MTA3: variants seen among roughly 807,000 people sequenced by gnomAD.
MTA3 encodes the protein metastasis-associated protein MTA3.
Under a neutral mutation model 83.5 loss-of-function variants are expected in MTA3, and 34 were observed. The ratio of observed to expected loss-of-function variants is 0.41; its 90% confidence interval spans 0.31 to 0.54. The LOEUF is 0.54. MTA3 is among the 20% of genes least tolerant of loss of function. MTA3 has a pLI of 0.33. For missense variants in MTA3, 761 were observed against 726.4 expected, an observed-to-expected ratio of 1.05 and a Z score of -0.55; for synonymous variants, 303 against 252.7, an observed-to-expected ratio of 1.20 and a Z score of -1.89.
At chr2:42,703,955 G>A (rs1665835566) in intron 11 of MTA3, 1 of 383,226 alleles carries the variant, frequency 2.6e-6, no homozygotes. Flanking sequence ...AAAGAGATGG[G>A]ACAGTATTTA....
At chr2:42,605,988 T>C (rs761631647) in intron 3 of MTA3, among the ~76,000 whole-genome samples, 1 of 194 alleles carries the variant, frequency 5.2e-3, no homozygotes, top group Non-Finnish European at 0.015. Context: ...CCACCTCCCT[T>C]CCCGGACGGG....
chr2:42,692,313 A>AT (rs1692971825), intron 9 of MTA3, among the ~76,000 whole-genome samples: 1 of 151,200 alleles, frequency 6.6e-6, no homozygotes, highest in African/African-American at 2.4e-5. Flanking sequence ...TTTCTGCTTG[A>AT]TTCTTTTTAT....
intron 9 of MTA3, among the ~76,000 whole-genome samples, chr2:42,685,923 T>G (rs1573615756): frequency 6.6e-6 from 1 of 152,252 alleles, no homozygotes; most frequent in African/African-American, 2.4e-5. Context: ...TTTCCTATAA[T>G]GCCATCACAG....
chr2:42,737,272 C>T (rs1668681561), intron 16 of MTA3, among the ~76,000 whole-genome samples: 1 of 152,208 alleles, frequency 6.6e-6, no homozygotes, highest in Admixed American at 6.5e-5. Context: ...CTTTAACCCA[C>T]AGTGGAAGGG....
intron 2 of MTA3, among the ~76,000 whole-genome samples, chr2:42,553,991 T>C (rs1408278872): frequency 1.3e-5 from 2 of 150,962 alleles, no homozygotes; most frequent in East Asian, 3.9e-4. Flanking sequence ...CCCAGCACTT[T>C]GGGAGGCCGA....
chr2:42,597,682 C>G (rs1355250949), intron 3 of MTA3, among the ~76,000 whole-genome samples: 1 of 54,252 alleles, frequency 1.8e-5, no homozygotes, highest in Non-Finnish European at 3.3e-5. Flanking sequence ...CCTCACCCAC[C>G]TGTTTTTTTT....
In MTA3 at chr2:42,729,983, T is replaced by C. The variant is rs540373347; in HGVS notation, c.1759+6948T>C. On this transcript the variant is annotated intron_variant, in intron 16 of 16. Transcript: ENST00000405094. ...TTCAATTTCTTGCATCAGTGGTTTA[T>C]AGTTTTCATTGTAGAGATCTTTCAC... is the stretch of plus-strand genomic sequence containing the variant. Among the ~76,000 whole-genome samples the C allele has an allele frequency of 1.5e-4, 23 of 152,324 alleles. 1 individual carries two copies. The highest frequency in any genetic ancestry group is 5.0e-4 in the African/African-American group (21 of 41,586).
chr2:42,734,319 A>C (rs984834811), intron 16 of MTA3, among the ~76,000 whole-genome samples: 3 of 151,062 alleles, frequency 2.0e-5, no homozygotes, highest in Non-Finnish European at 4.4e-5. Flanking sequence ...TTTGTCTTTA[A>C]ATCTTTTTTG....
In MTA3 at chr2:42,754,022, C is replaced by A. The variant is rs1245634239; in HGVS notation, c.*623C>A. On this transcript the variant is annotated 3_prime_UTR_variant, in exon 17 of 17. Coordinates refer to ENST00000405094, the MANE Select transcript of MTA3 (RefSeq NM_001330442.2). The stretch of plus-strand genomic sequence containing the variant: ...TATGTGACCCTCCCTCCTACTCCTC[C>A]AAGGAACAGAATTACCGAGGTTCTG... 1.0e-6 allele frequency: 1 copy of A among 985,396 alleles called. No individual in the cohort carries two copies. Among genetic ancestry groups the A allele is most frequent in the Admixed American group, 6.1e-5 (1 of 16,270 alleles). 61.0% of individuals were successfully genotyped at this position (985,396 alleles called of 1,614,324 possible).
At chr2:42,531,314 AAC>A (rs1390649320) in intron 2 of MTA3, among the ~76,000 whole-genome samples, 1 of 152,154 alleles carries the variant, frequency 6.6e-6, no homozygotes, top group African/African-American at 2.4e-5. Context: ...CAAATGCTAT[AAC>A]CACTATTATT....
intron 2 of MTA3, among the ~76,000 whole-genome samples, chr2:42,538,822 C>T (rs1459918902): frequency 1.4e-4 from 19 of 138,942 alleles, no homozygotes; most frequent in Non-Finnish European, 9.1e-5. Context: ...GGTCGGACTG[C>T]GGACTGCAGT....
intron 8 of MTA3, among the ~76,000 whole-genome samples, chr2:42,660,864 G>A (rs573604614): frequency 6.6e-6 from 1 of 152,200 alleles, no homozygotes; most frequent in Non-Finnish European, 1.5e-5. Flanking sequence ...TAAAAATAAA[G>A]ACAGGGTCTT....
chr2:42,710,078 C>T lies in MTA3; in HGVS notation c.1525+982C>T, dbSNP rs570307302. On this transcript the variant is annotated intron_variant, in intron 14 of 16. Coordinates refer to ENST00000405094, the MANE Select transcript of MTA3 (RefSeq NM_001330442.2). ...CTGTCTGGCCTAACAGATAGGAAAT[C>T]CTAAAGCCATTCTAAGAAATCTCTT... Among the ~76,000 whole-genome samples the T allele has an allele frequency of 3.3e-5, 5 of 152,220 alleles. No homozygotes were observed. The South Asian group carries it at 1.0e-3, about 32-fold the overall frequency.
At chr2:42,647,223 A>G (rs1688295246) in intron 6 of MTA3, among the ~76,000 whole-genome samples, 1 of 151,234 alleles carries the variant, frequency 6.6e-6, no homozygotes, top group Admixed American at 6.6e-5. Context: ...CACATGCTAC[A>G]GAGAAAAACT....
chr2:42,574,335 C>T (rs1558448060), intron 2 of MTA3, among the ~76,000 whole-genome samples: 1 of 151,774 alleles, frequency 6.6e-6, no homozygotes, highest in African/African-American at 2.4e-5. Flanking sequence ...CCATGTTGGT[C>T]AGGCTGGTCT....
At chr2:42,561,658 T>G (rs575854365) in intron 2 of MTA3, among the ~76,000 whole-genome samples, 33 of 151,772 alleles carry the variant, frequency 2.2e-4, no homozygotes, top group African/African-American at 8.0e-4. Flanking sequence ...AAGCCAACCA[T>G]GTCAGCTAGG....
At chr2:42,588,292 T>C (rs1379773395) in intron 3 of MTA3, among the ~76,000 whole-genome samples, 1 of 152,224 alleles carries the variant, frequency 6.6e-6, no homozygotes, top group Non-Finnish European at 1.5e-5. Context: ...TGGTGGAGTT[T>C]TACTATGTAT....
At chr2:42,611,784 T>G (rs1323836262) in intron 4 of MTA3, among the ~76,000 whole-genome samples, 1 of 152,106 alleles carries the variant, frequency 6.6e-6, no homozygotes, top group African/African-American at 2.4e-5. Context: ...CACCACACCC[T>G]AGCCTGGGGG....
chr2:42,609,965 T>TCCACGCCCA (rs1683987681), intron 4 of MTA3, among the ~76,000 whole-genome samples: 1 of 152,158 alleles, frequency 6.6e-6, no homozygotes, highest in Non-Finnish European at 1.5e-5. Flanking sequence ...CTGGGCGTGG[T>TCCACGCCCA]GGTATGCACC....
Sources: gnomAD v4.1 joint callset for allele counts (sites outside exome capture counted in the v4.1 genomes callset) on GRCh38, gnomAD v4.1.1 for gene constraint, MANE v1.5 for transcripts, NCBI Gene and HGNC (gene_info 2026-07-23, HGNC 2026-07-21) for gene names.